CAP2: variants seen among roughly 807,000 people sequenced by gnomAD.
The protein encoded by CAP2 is cyclase associated actin cytoskeleton regulatory protein 2, also known as adenylyl cyclase-associated protein 2.
Under a neutral mutation model 57.7 loss-of-function variants are expected in CAP2, and 24 were observed. The observed-to-expected ratio is 0.42, with a 90% CI of 0.30 to 0.58. CAP2 has a LOEUF of 0.58. Ranked by LOEUF, CAP2 falls within the 20% of genes least tolerant of loss-of-function variation. The pLI is 0.22. For missense variants in CAP2, 501 were observed against 590.3 expected (o/e 0.85, Z 1.57); for synonymous variants, 194 against 207.2 (o/e 0.94, Z 0.55).
chr6:17,538,800 A>T (rs1259226761), intron 7 of CAP2, among the ~76,000 whole-genome samples: 1 of 152,206 alleles, frequency 6.6e-6, no homozygotes, highest in Non-Finnish European at 1.5e-5. Context: ...TCACTGCTTA[A>T]AAAGGTTCGG....
intron 3 of CAP2, among the ~76,000 whole-genome samples, chr6:17,440,905 G>A (rs886609924): frequency 2.6e-5 from 4 of 151,102 alleles, no homozygotes; most frequent in Admixed American, 1.3e-4. Flanking sequence ...CCACCTATGA[G>A]TGAGAACATG....
At chr6:17,485,227 G>A (rs1761390876) in intron 4 of CAP2, among the ~76,000 whole-genome samples, 1 of 151,952 alleles carries the variant, frequency 6.6e-6, no homozygotes, top group Non-Finnish European at 1.5e-5. Flanking sequence ...TTTAATTAAA[G>A]GATCTCAAAA....
chr6:17,456,064 G>A (rs889675339), intron 3 of CAP2, among the ~76,000 whole-genome samples: 6 of 152,282 alleles, frequency 3.9e-5, no homozygotes, highest in Non-Finnish European at 7.3e-5. Flanking sequence ...GAATATATGA[G>A]GTATCATTTA....
chr6:17,511,181 AG>A (rs1259008163), intron 6 of CAP2, among the ~76,000 whole-genome samples: 1 of 152,184 alleles, frequency 6.6e-6, no homozygotes, highest in Non-Finnish European at 1.5e-5. Context: ...GAGTAGTCAA[AG>A]CACTCCCAGG....
At chr6:17,397,800 G>A (rs73367826) in intron 1 of CAP2, among the ~76,000 whole-genome samples, 4,673 of 151,414 alleles carry the variant, frequency 0.031, 248 homozygotes, top group African/African-American at 0.11. Flanking sequence ...TTGTTGACAG[G>A]CATTTGGGTT....
intron 1 of CAP2, among the ~76,000 whole-genome samples, chr6:17,396,813 G>A (rs1213904414): frequency 1.3e-5 from 2 of 152,132 alleles, no homozygotes; most frequent in Non-Finnish European, 2.9e-5. Flanking sequence ...TGTGTGGTAT[G>A]TGAATTACAT....
intron 4 of CAP2, among the ~76,000 whole-genome samples, chr6:17,483,115 A>T (rs1458575833): frequency 6.6e-6 from 1 of 152,184 alleles, no homozygotes; most frequent in African/African-American, 2.4e-5. Context: ...TTAAGTTGCA[A>T]AAGTGTGTTT....
intron 11 of CAP2, among the ~76,000 whole-genome samples, chr6:17,547,666 C>T (rs1763078547): frequency 6.6e-6 from 1 of 151,824 alleles, no homozygotes; most frequent in Non-Finnish European, 1.5e-5. Flanking sequence ...ACAGTGAAAC[C>T]CTGTCTCTAC....
intron 4 of CAP2, among the ~76,000 whole-genome samples, chr6:17,503,949 GT>G (rs534602582): frequency 1.5e-3 from 229 of 152,292 alleles, no homozygotes; most frequent in Middle Eastern, 3.4e-3. Context: ...TGCAGCAAAT[GT>G]TTTTGTTTTT....
At chr6:17,482,149 CA>C (rs1761303694) in intron 4 of CAP2, among the ~76,000 whole-genome samples, 1 of 152,198 alleles carries the variant, frequency 6.6e-6, no homozygotes, top group African/African-American at 2.4e-5. Flanking sequence ...GTGTATTCGT[CA>C]GCTAGGGCTG....
At chr6:17,395,215 T>G (rs973203737) in intron 1 of CAP2, among the ~76,000 whole-genome samples, 1 of 152,178 alleles carries the variant, frequency 6.6e-6, no homozygotes, top group Non-Finnish European at 1.5e-5. Flanking sequence ...TTGGTAAACC[T>G]TTGAGTTAAG....
At chr6:17,406,904 C>T (rs966207242) in intron 1 of CAP2, among the ~76,000 whole-genome samples, 1 of 152,202 alleles carries the variant, frequency 6.6e-6, no homozygotes, top group Admixed American at 6.5e-5. Context: ...TACCTGCACC[C>T]CCACCCAATT....
rs200041548 is a variant in CAP2 at position 17,405,701 on chromosome 6, GTTTA to G, written c.-2+11962_-2+11965del. Among the ~76,000 whole-genome samples the G allele has an allele frequency of 6.6e-5, 10 of 152,118 alleles. No individual in the cohort carries two copies. In the East Asian group the frequency reaches 1.7e-3, roughly 26 times the overall value. ...TGGTCATGATTTCTTCTTTTGTTTT[GTTTA>G]TTTATTATTTTTATTTTTATTTAAA... is the stretch of plus-strand genomic sequence containing the variant. On this transcript the variant is annotated intron_variant, in intron 1 of 12. Transcript: ENST00000229922.
intron 7 of CAP2, among the ~76,000 whole-genome samples, chr6:17,538,813 A>G (rs959814539): frequency 6.6e-6 from 1 of 152,190 alleles, no homozygotes; most frequent in African/African-American, 2.4e-5. Context: ...AGGTTCGGAA[A>G]CATCCAATCA....
At chr6:17,451,850 CT>C (rs34847383) in intron 3 of CAP2, among the ~76,000 whole-genome samples, 16,779 of 152,138 alleles carry the variant, frequency 0.11, 3,004 homozygotes, top group African/African-American at 0.38. Flanking sequence ...TAATAAGTTT[CT>C]GTTTCACTCA....
chr6:17,481,035 G>A (rs1761276879), intron 4 of CAP2, among the ~76,000 whole-genome samples: 1 of 147,276 alleles, frequency 6.8e-6, no homozygotes, highest in Admixed American at 6.9e-5. Flanking sequence ...CTGACCTCAG[G>A]TGACCTCGGC....
At chr6:17,445,757 C>T (rs73721548) in intron 3 of CAP2, among the ~76,000 whole-genome samples, 2,446 of 152,280 alleles carry the variant, frequency 0.016, 55 homozygotes, top group African/African-American at 0.05. Flanking sequence ...CCCCAAAGCT[C>T]ATTTGTAAAT....
chr6:17,524,769 T>TC (rs940612557), intron 7 of CAP2, among the ~76,000 whole-genome samples: 15 of 152,150 alleles, frequency 9.9e-5, no homozygotes, highest in Non-Finnish European at 1.8e-4. Flanking sequence ...TTCACCTCTT[T>TC]CCCCCATTGC....
intron 7 of CAP2, among the ~76,000 whole-genome samples, chr6:17,528,212 G>A (rs1762557138): frequency 6.6e-6 from 1 of 152,180 alleles, no homozygotes; most frequent in Non-Finnish European, 1.5e-5. Flanking sequence ...TAAGCCACGA[G>A]GTTCAATAGA....
Sources: allele counts gnomAD v4.1 joint callset (sites outside exome capture counted in the v4.1 genomes callset), GRCh38; gene constraint gnomAD v4.1.1; transcripts MANE v1.5; gene names NCBI Gene and HGNC (gene_info 2026-07-23, HGNC 2026-07-21).